Variants in FHIT observed in about 807,000 individuals in gnomAD.
FHIT encodes the protein bis(5'-adenosyl)-triphosphatase.
Under a neutral mutation model 17.9 loss-of-function variants are expected in FHIT, and 19 were observed. The ratio of observed to expected loss-of-function variants is 1.06; its 90% CI spans 0.74 to 1.56. The LOEUF (loss-of-function observed/expected upper bound fraction) is 1.56. Ranked by LOEUF, FHIT falls within the 40% of genes most tolerant of loss-of-function variation. FHIT has a pLI of 0.00. For missense variants in FHIT, 248 were observed against 189.2 expected (o/e 1.31, Z -1.82); for synonymous variants, 81 against 69.7 (o/e 1.16, Z -0.81).
chr3:60,111,797 G>A (rs751705212), intron 5 of FHIT, among the ~76,000 whole-genome samples: 3 of 152,074 alleles, frequency 2.0e-5, no homozygotes, highest in Non-Finnish European at 4.4e-5. Flanking sequence ...TCCACATACC[G>A]AGCCTTCTGT....
intron 5 of FHIT, among the ~76,000 whole-genome samples, chr3:60,443,914 A>C (rs1377506026): frequency 5.3e-5 from 8 of 152,148 alleles, no homozygotes; most frequent in Admixed American, 2.0e-4. Context: ...CAACCTACAG[A>C]ATGGGAGAAA....
chr3:60,775,145 TAG>T (rs1247911561), intron 4 of FHIT, among the ~76,000 whole-genome samples: 4 of 152,194 alleles, frequency 2.6e-5, no homozygotes, highest in East Asian at 1.9e-4. Flanking sequence ...TTGAAATGAA[TAG>T]AGTGTATGTT....
At position 61,111,008 on chromosome 3, in the gene FHIT, G is replaced by A. The variant is rs143464403; in HGVS notation, c.-163-68909C>T. On this transcript the variant is annotated intron_variant, in intron 2 of 9. Transcript: ENST00000492590. ...CCAGCGCCCCTTAACTATGGCCCCC[G>A]AAACAAACATTTTATACTGAATTTT... 4.3e-3 allele frequency among the ~76,000 whole-genome samples: 656 copies of A among 152,180 alleles called. 1 individual carries two copies. The highest frequency in any genetic ancestry group is 6.3e-3 in the Non-Finnish European group (425 of 67,980).
chr3:60,850,902 A>C (rs1703128017), intron 3 of FHIT, among the ~76,000 whole-genome samples: 1 of 152,158 alleles, frequency 6.6e-6, no homozygotes, highest in Admixed American at 6.6e-5. Context: ...TAAGGCACAC[A>C]GCTAAGTGAA....
intron 2 of FHIT, among the ~76,000 whole-genome samples, chr3:61,138,442 G>A (rs2036979947): frequency 1.3e-5 from 2 of 152,204 alleles, no homozygotes; most frequent in South Asian, 4.1e-4. Context: ...GGCCTGCCTA[G>A]GATTACAGCT....
intron 2 of FHIT, among the ~76,000 whole-genome samples, chr3:61,174,609 G>C (rs1400307942): frequency 6.6e-6 from 1 of 152,162 alleles, no homozygotes; most frequent in African/African-American, 2.4e-5. Context: ...TGTATTTTCT[G>C]TAAGAAAGGT....
At chr3:60,294,626 C>T (rs1266549332) in intron 5 of FHIT, among the ~76,000 whole-genome samples, 2 of 152,150 alleles carry the variant, frequency 1.3e-5, no homozygotes, top group African/African-American at 4.8e-5. Context: ...CCATACAGAA[C>T]ATTACCATTC....
At chr3:60,590,934 CAAG>C (rs1480065280) in intron 4 of FHIT, among the ~76,000 whole-genome samples, 1 of 151,878 alleles carries the variant, frequency 6.6e-6, no homozygotes, top group Non-Finnish European at 1.5e-5. Context: ...ATATGATTTC[CAAG>C]AAGGATTCAT....
intron 5 of FHIT, among the ~76,000 whole-genome samples, chr3:60,034,546 T>G (rs550153953): frequency 6.6e-6 from 1 of 152,360 alleles, no homozygotes; most frequent in African/African-American, 2.4e-5. Context: ...GTCCGTGGTA[T>G]ATCTTCGTCA....
At chr3:60,297,949 C>G (rs1361823322) in intron 5 of FHIT, among the ~76,000 whole-genome samples, 1 of 152,084 alleles carries the variant, frequency 6.6e-6, no homozygotes, top group Non-Finnish European at 1.5e-5. Context: ...AGGATTCCTA[C>G]AACCTCCTCT....
chr3:60,462,792 T>G (rs1373112824), intron 5 of FHIT, among the ~76,000 whole-genome samples: 1 of 152,202 alleles, frequency 6.6e-6, no homozygotes, highest in African/African-American at 2.4e-5. Flanking sequence ...ACTGAGGGCA[T>G]GCTGCAGGGA....
chr3:61,205,579 T>C (rs2039198391), intron 1 of FHIT, among the ~76,000 whole-genome samples: 1 of 152,248 alleles, frequency 6.6e-6, no homozygotes, highest in Non-Finnish European at 1.5e-5. Flanking sequence ...CCAGTGATGG[T>C]GAGCATTTTT....
At chr3:61,184,315 A>T (rs536006305) in intron 2 of FHIT, among the ~76,000 whole-genome samples, 2 of 152,156 alleles carry the variant, frequency 1.3e-5, no homozygotes, top group Non-Finnish European at 2.9e-5. Context: ...TTAGACCCCC[A>T]TTCCAAGACA....
At chr3:60,658,640 A>G (rs1440572099) in intron 4 of FHIT, among the ~76,000 whole-genome samples, 1 of 152,142 alleles carries the variant, frequency 6.6e-6, no homozygotes, top group Non-Finnish European at 1.5e-5. Context: ...TAAAATATAA[A>G]CTGATATTTT....
chr3:60,875,727 T>G (rs1330249852), intron 3 of FHIT, among the ~76,000 whole-genome samples: 1 of 152,102 alleles, frequency 6.6e-6, no homozygotes, highest in Admixed American at 6.6e-5. Flanking sequence ...ATGATTTTCA[T>G]AACAATCCTA....
At chr3:60,728,750 T>C (rs1250977177) in intron 4 of FHIT, among the ~76,000 whole-genome samples, 1 of 151,810 alleles carries the variant, frequency 6.6e-6, no homozygotes, top group South Asian at 2.1e-4. Context: ...GCAACAGTTG[T>C]CCTAAGGTGA....
chr3:60,345,816 T>C (rs568858361), intron 5 of FHIT, among the ~76,000 whole-genome samples: 2 of 152,174 alleles, frequency 1.3e-5, no homozygotes, highest in Non-Finnish European at 2.9e-5. Context: ...AACTATGACA[T>C]GCTATCAATT....
intron 3 of FHIT, among the ~76,000 whole-genome samples, chr3:60,989,589 A>G (rs1217465191): frequency 2.0e-5 from 3 of 152,228 alleles, no homozygotes; most frequent in Admixed American, 2.0e-4. Flanking sequence ...TAGAAAGGTT[A>G]GTAAATCTTT....
At chr3:60,462,612 A>G (rs1241584195) in intron 5 of FHIT, among the ~76,000 whole-genome samples, 2 of 152,198 alleles carry the variant, frequency 1.3e-5, no homozygotes, top group East Asian at 1.9e-4. Flanking sequence ...TAGGAGCAAA[A>G]GCAAGAGATC....
Sources: allele counts gnomAD v4.1 joint callset (sites outside exome capture counted in the v4.1 genomes callset), GRCh38; gene constraint gnomAD v4.1.1; transcripts MANE v1.5; gene names NCBI Gene and HGNC (gene_info 2026-07-23, HGNC 2026-07-21).